NBPF26: variants seen among roughly 807,000 people sequenced by gnomAD.
The protein encoded by NBPF26 is NBPF family member NBPF26.
A neutral mutation model predicts 119.6 loss-of-function variants in NBPF26; 79 were observed. That is an observed-to-expected ratio of 0.66 (90% confidence interval 0.55 to 0.80). The LOEUF (loss-of-function observed/expected upper bound fraction) is 0.80. Among genes scored for constraint, NBPF26 ranks in the 30% least tolerant of loss-of-function variants. The pLI, the probability that NBPF26 is intolerant of heterozygous loss-of-function variation, is 0.00. For synonymous variants in NBPF26, 299 were observed against 457.7 expected (o/e 0.65, Z 4.43); for missense variants, 800 against 1,198.2 (o/e 0.67, Z 4.91).
intron 1 of NBPF26, among the ~76,000 whole-genome samples, chr1:120,727,262 A>G (rs1368415013): frequency 1.1e-5 from 1 of 94,870 alleles, no homozygotes; most frequent in Admixed American, 1.0e-4. Flanking sequence ...GATTCTGACA[A>G]GTAACTTGGT....
At chr1:120,808,852 G>A in intron 7 of NBPF26, 93 bp downstream of exon 7, 1 of 485,900 alleles carries the variant, frequency 2.1e-6, no homozygotes, top group South Asian at 2.0e-5. Context: ...GTATCAGTGG[G>A]GTTTTTTTCT....
Position 120,793,397 on chromosome 1 carries a change from T to C in NBPF26, c.652T>C (p.Cys218Arg). 4.9e-6 allele frequency: 7 copies of C among 1,439,914 alleles called. 1 individual carries two copies. The highest frequency in any genetic ancestry group is 6.5e-6 in the Non-Finnish European group (7 of 1,077,212). The allele number at this position is 1,439,914 out of a possible 1,614,324, so 89.2% of individuals were successfully genotyped here. ...CCTTCAGGGCTTCACAGGCCAGTAC[T>C]GTGACAGACTGTATGTGCCCTGTGC... Residue 218 changes from cysteine (C) to arginine (R), a missense_variant, in exon 4 of 30, where the codon TGT becomes CGT. Cys to Arg is a radical substitution (Grantham distance 180). Around this residue, in one of 13 missense-constraint regions of NBPF26, gnomAD observed 155 missense variants for 143.7 expected, o/e 1.08. Transcript: ENST00000620612.
rs1651511124 is a variant in NBPF26 at position 120,793,080 on chromosome 1, C to T, written c.416-81C>T. Reference sequence around the variant, plus strand: ...TTGAGGTCTTCTCCACGCAAGAGCTCGCTGATGTCAATGAGGTATTGAGGA... The same window carrying T: ...TTGAGGTCTTCTCCACGCAAGAGCTTGCTGATGTCAATGAGGTATTGAGGA... On this transcript the variant is annotated intron_variant, in intron 3 of 29. Coordinates refer to ENST00000620612, the Ensembl canonical transcript of NBPF26. 16 of 654,334 alleles carry T rather than the reference C, an allele frequency of 2.4e-5. 2 individuals carry two copies. Among genetic ancestry groups the T allele is most frequent in the Middle Eastern group, 5.5e-4 (2 of 3,608 alleles). The allele number at this position is 654,334 out of a possible 1,614,324, so 40.5% of individuals were successfully genotyped here. A position where few individuals can be genotyped will look rare whatever the true frequency, so the allele number is the denominator to read the frequency against.
Position 120,728,907 on chromosome 1 carries a change from G to T in NBPF26, c.73+4657G>T, listed in dbSNP as rs1650845609. On this transcript the variant is annotated intron_variant, in intron 1 of 29. Transcript: ENST00000620612. ...GAATAAATACTTGAGAGAATCACATGGTGTTGAGTTGTCTCTGCCACATGA... is the reference window on the plus strand; with the variant it reads ...GAATAAATACTTGAGAGAATCACATTGTGTTGAGTTGTCTCTGCCACATGA... 1.8e-5 allele frequency among the ~76,000 whole-genome samples: 2 copies of T among 108,534 alleles called. 1 individual carries two copies. 71.2% of individuals were successfully genotyped at this position (108,534 alleles called of 152,430 possible). A position where few individuals can be genotyped will look rare whatever the true frequency, so the allele number is the denominator to read the frequency against.
At chr1:120,762,502 T>C (rs1260044819) in intron 1 of NBPF26, among the ~76,000 whole-genome samples, 2 of 113,712 alleles carry the variant, frequency 1.8e-5, no homozygotes, top group Admixed American at 1.7e-4. Context: ...CATAGAGTGG[T>C]GTGGTTAGAG....
intron 16 of NBPF26, among the ~76,000 whole-genome samples, chr1:120,822,745 AT>A (rs1177607906): frequency 9.6e-6 from 1 of 104,078 alleles, no homozygotes; most frequent in East Asian, 2.3e-4. Context: ...ATTTATTCCC[AT>A]TTTCTGTGTC....
rs1400863898 is a variant in NBPF26 at position 120,840,370 on chromosome 1, A to T, written c.4124A>T (p.Glu1375Val). ...TGCAGGCTCAACAGCATGCTGATGG[A>T]AGTGGAAGAGCCTGAAGTCTTGCAG... is the stretch of plus-strand genomic sequence containing the variant. The change falls in exon 30 of 30, where the codon GAA becomes GTA. Residue 1375 changes from glutamate (E) to valine (V), a missense_variant. Physicochemically the swap from Glu to Val is moderately radical, Grantham distance 121. Around this residue, in one of 13 missense-constraint regions of NBPF26, gnomAD observed 155 missense variants for 95.9 expected, o/e 1.62. Coordinates refer to ENST00000620612, the Ensembl canonical transcript of NBPF26. 7.5e-6 allele frequency: 11 copies of T among 1,459,316 alleles called. 3 individuals carry two copies. The highest frequency in any genetic ancestry group is 2.4e-4 in the Middle Eastern group (1 of 4,166). The allele number at this position is 1,459,316 out of a possible 1,614,324, so 90.4% of individuals were successfully genotyped here.
At chr1:120,798,357 ATCC>A (rs1651553425) in intron 4 of NBPF26, among the ~76,000 whole-genome samples, 1 of 55,292 alleles carries the variant, frequency 1.8e-5, no homozygotes, top group East Asian at 5.7e-4. Context: ...TTCTTTTTGA[ATCC>A]TCCTATTTAT....
At chr1:120,841,898 T>A (rs1652526004), downstream of NBPF26, among the ~76,000 whole-genome samples, 1 of 33,788 alleles carries the variant, frequency 3.0e-5, no homozygotes, top group South Asian at 8.7e-4. Context: ...CTAATGATCA[T>A]CCTCTAAACA....
intron 10 of NBPF26, among the ~76,000 whole-genome samples, chr1:120,813,578 C>T (rs1408679229): frequency 2.3e-5 from 3 of 128,040 alleles, no homozygotes; most frequent in African/African-American, 7.2e-5. Flanking sequence ...GGCTGCAAGG[C>T]TTGGGAAAGT....
In NBPF26 at chr1:120,810,345, A is replaced by C; in HGVS notation, c.1353-2A>C. 6.3e-7 allele frequency: 1 copy of C among 1,589,564 alleles called. No individual in the cohort carries two copies. Among genetic ancestry groups the C allele is most frequent in the South Asian group, 1.1e-5 (1 of 90,690 alleles). ...TCATCTCTGTCCCACCTGGCTCATC[A>C]GGGAGGTGCAGAAGACTGAAGAGAG... is the stretch of plus-strand genomic sequence containing the variant. On this transcript the variant is annotated splice_acceptor_variant, in intron 8 of 29. Coordinates refer to ENST00000620612, the Ensembl canonical transcript of NBPF26. LOFTEE classifies it high-confidence loss of function.
At chr1:120,825,777 G>A (rs1269139485) in intron 18 of NBPF26, among the ~76,000 whole-genome samples, 91 bp downstream of exon 20, 6 of 4,016 alleles carry the variant, frequency 1.5e-3, no homozygotes, top group Non-Finnish European at 2.1e-3. Context: ...CTGAGCTGAG[G>A]GATGTCATTG....
rs1652173239 is a variant in NBPF26, at chr1:120,823,515, AT to A, written c.2639+156del. ...TGCTTTTTGGTTCTCATTAGAGTAAATCTTTAGGTTTCCATTTCTTCCTACC... is the reference window on the plus strand; with the variant it reads ...TGCTTTTTGGTTCTCATTAGAGTAAACTTTAGGTTTCCATTTCTTCCTACC... On this transcript the variant is annotated intron_variant, in intron 17 of 29. Coordinates refer to ENST00000620612, the Ensembl canonical transcript of NBPF26. Among the ~76,000 whole-genome samples, 3 of 108,866 alleles carry A rather than the reference AT, an allele frequency of 2.8e-5. 1 individual carries two copies. Among genetic ancestry groups the A allele is most frequent in the Non-Finnish European group, 3.6e-5 (2 of 56,304 alleles). The allele number at this position is 108,866 out of a possible 152,430, so 71.4% of individuals were successfully genotyped here. A position where few individuals can be genotyped will look rare whatever the true frequency, so the allele number is the denominator to read the frequency against.
intron 4 of NBPF26, among the ~76,000 whole-genome samples, chr1:120,804,691 C>A (rs1186035474): frequency 0.034 from 3,918 of 116,780 alleles, 607 homozygotes; most frequent in African/African-American, 0.12. Flanking sequence ...TTAAAAAACA[C>A]ATCAACCCAC....
In NBPF26 at chr1:120,805,702, C is replaced by A. The variant is rs1553269766; in HGVS notation, c.898C>A (p.Leu300Ile). The stretch of plus-strand genomic sequence containing the variant: ...AGAGAACAAACAGCAGTTGAGAAAC[C>A]TCAAAGAGAAATGTTTTCTAACTCA... Residue 300 changes from leucine (L) to isoleucine (I), a missense_variant, in exon 5 of 30, where the codon CTC becomes ATC. By Grantham distance (5) the Leu-to-Ile change is conservative. This residue lies in a region of NBPF26 where 155 missense variants were observed against 143.7 expected (regional missense o/e 1.08). Transcript: ENST00000620612. 10 of 1,455,650 alleles carry A rather than the reference C, an allele frequency of 6.9e-6. 3 individuals carry two copies. Among genetic ancestry groups the A allele is most frequent in the Non-Finnish European group, 6.5e-6 (7 of 1,078,804 alleles). 90.2% of individuals were successfully genotyped at this position (1,455,650 alleles called of 1,614,324 possible). A position where few individuals can be genotyped will look rare whatever the true frequency, so the allele number is the denominator to read the frequency against.
intron 29 of NBPF26, 59 bp from the exon 36 acceptor site, chr1:120,840,288 AGTG>A: frequency 6.9e-7 from 1 of 1,444,372 alleles, no homozygotes; most frequent in Non-Finnish European, 9.2e-7. Context: ...TCTGAAATCT[AGTG>A]GGGCTCTGTG....
In NBPF26 at chr1:120,767,647, GAGATA is replaced by G. The variant is rs1399713043; in HGVS notation, c.155+3944_155+3948del. On this transcript the variant is annotated intron_variant, in intron 2 of 29. Transcript: ENST00000620612. Reference sequence around the variant, plus strand: ...CTTAATAAAGCCCTCTCACTACAGGGAGATAAGATATTTTATTCTTTCCCTTGTCC... The same window carrying G: ...CTTAATAAAGCCCTCTCACTACAGGGAGATATTTTATTCTTTCCCTTGTCC... Among the ~76,000 whole-genome samples the G allele has an allele frequency of 2.0e-5, 2 of 97,984 alleles. 1 individual carries two copies. The highest frequency in any genetic ancestry group is 3.7e-5 in the Non-Finnish European group (2 of 54,052). The allele number at this position is 97,984 out of a possible 152,430, so 64.3% of individuals were successfully genotyped here.
In NBPF26 at chr1:120,810,225, C is replaced by A. The variant is rs1651825043; in HGVS notation, c.1353-122C>A. The A allele has an allele frequency of 3.3e-6, 4 of 1,197,396 alleles. No individual in the cohort carries two copies. In the South Asian group the frequency reaches 5.1e-5, roughly 15 times the overall value. 74.2% of individuals were successfully genotyped at this position (1,197,396 alleles called of 1,614,324 possible). ...ATTGCCTGTTTCCTCTTTAAGGGAA[C>A]CTCCGTTTTGCTTTCTGGAACCACT... is the stretch of plus-strand genomic sequence containing the variant. On this transcript the variant is annotated intron_variant, in intron 8 of 29. Transcript: ENST00000620612.
chr1:120,818,904 T>C (rs1251019194), intron 15 of NBPF26, among the ~76,000 whole-genome samples: 1 of 104,892 alleles, frequency 9.5e-6, no homozygotes, highest in South Asian at 2.9e-4. Context: ...TCCAACTATG[T>C]GGTCAATTTT....
Sources: allele counts gnomAD v4.1 joint callset (sites outside exome capture counted in the v4.1 genomes callset), GRCh38; gene constraint gnomAD v4.1.1; regional missense constraint gnomAD v4.1.1; transcripts MANE v1.5; gene names NCBI Gene and HGNC (gene_info 2026-07-23, HGNC 2026-07-21).